PTPRK: variants seen among roughly 807,000 people sequenced by gnomAD.
PTPRK encodes receptor-type tyrosine-protein phosphatase kappa.
Under a neutral mutation model 178.0 loss-of-function variants are expected in PTPRK, and 75 were observed. The ratio of observed to expected loss-of-function variants is 0.42; its 90% CI spans 0.35 to 0.51. The LOEUF (loss-of-function observed/expected upper bound fraction) is 0.51, where lower values mean the gene tolerates loss of function less well. PTPRK is among the 20% of genes least tolerant of loss of function. PTPRK has a pLI of 0.02. For synonymous variants in PTPRK, 637 were observed against 620.6 expected (o/e 1.03, Z -0.39); for missense variants, 1,441 against 1,797.8 (o/e 0.80, Z 3.59).
chr6:128,107,338 T>C (rs1304198067), intron 7 of PTPRK, among the ~76,000 whole-genome samples: 1 of 152,116 alleles, frequency 6.6e-6, no homozygotes, highest in East Asian at 1.9e-4. Flanking sequence ...TTTACATGCT[T>C]TGAGAACACA....
intron 3 of PTPRK, chr6:128,321,562 G>A: frequency 7.1e-6 from 3 of 424,702 alleles, no homozygotes; most frequent in Non-Finnish European, 1.2e-5. Flanking sequence ...TAATGAAAAT[G>A]CCTCCCCCTT....
chr6:128,104,251 G>C (rs990923425), intron 7 of PTPRK, among the ~76,000 whole-genome samples: 4 of 151,946 alleles, frequency 2.6e-5, no homozygotes, highest in Non-Finnish European at 1.5e-5. Flanking sequence ...TTTTGAGACG[G>C]AGTCTCACTC....
intron 13 of PTPRK, among the ~76,000 whole-genome samples, chr6:128,053,832 C>T (rs1327796190): frequency 6.6e-6 from 1 of 152,130 alleles, no homozygotes; most frequent in African/African-American, 2.4e-5. Flanking sequence ...GGTGTGGGTC[C>T]TACCATGCTC....
intron 1 of PTPRK, among the ~76,000 whole-genome samples, chr6:128,447,742 G>A (rs1018758274): frequency 6.0e-5 from 9 of 151,028 alleles, no homozygotes; most frequent in Non-Finnish European, 1.5e-5. Context: ...CTCCTGCCTC[G>A]CCTCCTGAGT....
Position 128,082,548 on chromosome 6 carries a change from G to C in PTPRK, c.1666C>G (p.His556Asp). The stretch of plus-strand genomic sequence containing the variant: ...CCAGGGTGGAGATGCATAAAGACAT[G>C]GTGTGTACTGTTCCATAAATTTGAT... ...TVSNLWNSTHHVFMHLHPGTT... is the reference protein window; with the variant it reads ...TVSNLWNSTHDVFMHLHPGTT... Residue 556 changes from histidine to aspartate, a missense_variant, in exon 10 of 30, where the codon CAT becomes GAT. By Grantham distance (81) the His-to-Asp change is moderately conservative. Transcript: ENST00000368226. 1 of 1,612,210 alleles carries C rather than the reference G, an allele frequency of 6.2e-7. No individual in the cohort carries two copies. Among genetic ancestry groups the C allele is most frequent in the Non-Finnish European group, 8.5e-7 (1 of 1,178,454 alleles).
intron 7 of PTPRK, among the ~76,000 whole-genome samples, chr6:128,097,059 T>C (rs1359164614): frequency 6.6e-6 from 1 of 152,170 alleles, no homozygotes; most frequent in East Asian, 1.9e-4. Flanking sequence ...ATCATTAGTC[T>C]TGCCAAAAAG....
At chr6:128,149,249 A>T (rs1292333463) in intron 7 of PTPRK, among the ~76,000 whole-genome samples, 1 of 151,882 alleles carries the variant, frequency 6.6e-6, no homozygotes, top group South Asian at 2.1e-4. Flanking sequence ...ACATGTATAC[A>T]TATGTAACAA....
chr6:128,143,567 A>G (rs985713858), intron 7 of PTPRK, among the ~76,000 whole-genome samples: 1 of 152,134 alleles, frequency 6.6e-6, no homozygotes, highest in African/African-American at 2.4e-5. Flanking sequence ...CACCATTTCC[A>G]AACACCAATT....
At position 128,184,721 on chromosome 6, in the gene PTPRK, C is replaced by A. The variant is rs760175127; in HGVS notation, c.873G>T (p.Pro291=). Residue 291 remains proline (P), a synonymous_variant, in exon 7 of 30, where the codon CCG becomes CCT. Coordinates refer to ENST00000368226, the MANE Select transcript of PTPRK (RefSeq NM_002844.4). ...SNFAQLIVRE[P]PRPIAPPQLL... The stretch of plus-strand genomic sequence containing the variant: ...GCTGAGGAGGAGCAATGGGTCTTGG[C>A]GGTTCTAGGAGAGATGAGTGTGCAC... The A allele has an allele frequency of 9.3e-6, 15 of 1,613,032 alleles. No individual in the cohort carries two copies. The highest frequency in any genetic ancestry group is 1.2e-5 in the Non-Finnish European group (14 of 1,179,552).
intron 3 of PTPRK, among the ~76,000 whole-genome samples, chr6:128,251,680 G>A (rs1175458972): frequency 3.3e-5 from 5 of 151,888 alleles, no homozygotes; most frequent in African/African-American, 7.3e-5. Flanking sequence ...ATATATCTAC[G>A]CACACATACA....
intron 18 of PTPRK, 29 bp from the exon 19 acceptor site, chr6:127,992,738 T>C: frequency 1.3e-6 from 2 of 1,521,996 alleles, no homozygotes; most frequent in East Asian, 2.3e-5. Flanking sequence ...TTAGTTATCA[T>C]TTTACATCAA....
intron 6 of PTPRK, among the ~76,000 whole-genome samples, chr6:128,197,747 C>T (rs954010050): frequency 7.9e-5 from 12 of 151,642 alleles, no homozygotes; most frequent in African/African-American, 2.2e-4. Context: ...GTGACTATTA[C>T]GGTAGACAAC....
At chr6:128,268,340 T>G (rs1291275113) in intron 3 of PTPRK, among the ~76,000 whole-genome samples, 1 of 151,986 alleles carries the variant, frequency 6.6e-6, no homozygotes, top group Non-Finnish European at 1.5e-5. Flanking sequence ...TAACTCACAT[T>G]TGTCACTAAA....
intron 2 of PTPRK, among the ~76,000 whole-genome samples, chr6:128,350,445 A>G (rs1417810888): frequency 6.6e-6 from 1 of 152,178 alleles, no homozygotes; most frequent in African/African-American, 2.4e-5. Flanking sequence ...GAAAAAGGAA[A>G]AGAAAACAGA....
intron 6 of PTPRK, among the ~76,000 whole-genome samples, chr6:128,217,220 C>T (rs927372862): frequency 9.9e-5 from 15 of 152,144 alleles, no homozygotes; most frequent in East Asian, 3.8e-4. Flanking sequence ...TGCCTAAATA[C>T]GGAAGTCAAA....
At chr6:128,037,332 T>C (rs1486402506) in intron 13 of PTPRK, among the ~76,000 whole-genome samples, 1 of 152,112 alleles carries the variant, frequency 6.6e-6, no homozygotes, top group Non-Finnish European at 1.5e-5. Context: ...TGCAGAAAAG[T>C]TAATTTAGGT....
At chr6:128,403,334 T>G in intron 1 of PTPRK, among the ~76,000 whole-genome samples, 1 of 152,232 alleles carries the variant, frequency 6.6e-6, no homozygotes, top group East Asian at 1.9e-4. Context: ...TTAAAATCCC[T>G]TATACATCTA....
intron 2 of PTPRK, among the ~76,000 whole-genome samples, chr6:128,370,643 CAT>C (rs957581152): frequency 2.0e-5 from 3 of 152,060 alleles, no homozygotes; most frequent in African/African-American, 7.2e-5. Flanking sequence ...AGGATTATCA[CAT>C]GATAGTTCAA....
chr6:128,053,060 G>C (rs1779296258), intron 13 of PTPRK, among the ~76,000 whole-genome samples: 1 of 151,622 alleles, frequency 6.6e-6, no homozygotes, highest in Non-Finnish European at 1.5e-5. Context: ...ATTGGATAAT[G>C]GTATTTAGAC....
Sources: gnomAD v4.1 joint callset for allele counts (sites outside exome capture counted in the v4.1 genomes callset) on GRCh38, gnomAD v4.1.1 for gene constraint, MANE v1.5 for transcripts, NCBI Gene and HGNC (gene_info 2026-07-23, HGNC 2026-07-21) for gene names.